The following DSE variants were observed in gnomAD, a reference collection of about 807,000 sequenced individuals.
The protein encoded by DSE is dermatan sulfate epimerase, also known as dermatan-sulfate epimerase.
A neutral mutation model predicts 84.4 loss-of-function variants in DSE; 36 were observed. The observed-to-expected ratio is 0.43, with a 90% CI of 0.33 to 0.56. DSE has a LOEUF of 0.56. DSE is among the 20% of genes least tolerant of loss of function. DSE has a pLI of 0.06. For missense variants in DSE, 862 were observed against 1,169.6 expected (o/e 0.74, Z 3.84); for synonymous variants, 410 against 430.1 (o/e 0.95, Z 0.58).
chr6:116,397,051 T>C (rs1288882096), intron 1 of DSE, among the ~76,000 whole-genome samples: 1 of 151,972 alleles, frequency 6.6e-6, no homozygotes, highest in South Asian at 2.1e-4. Context: ...TGCATGTACG[T>C]TGGGTGTGTG....
chr6:116,361,217 G>A (rs1423565567), intron 2 of DSE, among the ~76,000 whole-genome samples: 2 of 151,842 alleles, frequency 1.3e-5, no homozygotes, highest in African/African-American at 4.8e-5. Context: ...ACGCCACCAC[G>A]CCTGGGTAAC....
At chr6:116,346,334 C>T (rs1257515433) in intron 2 of DSE, among the ~76,000 whole-genome samples, 1 of 152,094 alleles carries the variant, frequency 6.6e-6, no homozygotes, top group Non-Finnish European at 1.5e-5. Flanking sequence ...AATTTTAGAC[C>T]AATATCCCTG....
At chr6:116,433,618 T>C (rs902859403) in intron 5 of DSE, 68 bp downstream of exon 5, 1 of 1,459,382 alleles carries the variant, frequency 6.9e-7, no homozygotes. Context: ...TATGCACTTG[T>C]TTTTTTGCAT....
At chr6:116,425,322 G>A (rs1169481789) in intron 2 of DSE, among the ~76,000 whole-genome samples, 5 of 152,128 alleles carry the variant, frequency 3.3e-5, no homozygotes, top group African/African-American at 1.2e-4. Flanking sequence ...GAGGTTCATG[G>A]CATAGAAATG....
intron 2 of DSE, among the ~76,000 whole-genome samples, chr6:116,284,485 G>C (rs573512542): frequency 6.6e-6 from 1 of 152,188 alleles, no homozygotes; most frequent in South Asian, 2.1e-4. Context: ...TGTACTCTCT[G>C]AACAAGTGTG....
At chr6:116,342,719 T>C (rs1367534163) in intron 2 of DSE, among the ~76,000 whole-genome samples, 5 of 152,186 alleles carry the variant, frequency 3.3e-5, no homozygotes, top group Non-Finnish European at 5.9e-5. Context: ...TAGGAATAGC[T>C]CCAGTCTACA....
chr6:116,402,963 T>G (rs927897385), intron 2 of DSE, among the ~76,000 whole-genome samples: 2 of 152,200 alleles, frequency 1.3e-5, no homozygotes, highest in African/African-American at 4.8e-5. Flanking sequence ...TAGATTCACT[T>G]AAGAATTCTG....
intron 2 of DSE, among the ~76,000 whole-genome samples, chr6:116,421,078 T>C (rs934265716): frequency 6.6e-6 from 1 of 152,200 alleles, no homozygotes. Flanking sequence ...ACTTAATTCA[T>C]AGACACAGCA....
intron 1 of DSE, among the ~76,000 whole-genome samples, chr6:116,379,688 C>T (rs1780111911): frequency 6.6e-6 from 1 of 152,136 alleles, no homozygotes; most frequent in South Asian, 2.1e-4. Context: ...TGCTTTGTTA[C>T]AGTCCCAAGA....
chr6:116,287,380 G>T (rs896089950), intron 2 of DSE, among the ~76,000 whole-genome samples: 1 of 151,656 alleles, frequency 6.6e-6, no homozygotes, highest in Non-Finnish European at 1.5e-5. Context: ...TTTTATTTCT[G>T]TCTAAAGCCT....
At chr6:116,320,561 A>T (rs960613816) in intron 2 of DSE, among the ~76,000 whole-genome samples, 2 of 152,164 alleles carry the variant, frequency 1.3e-5, no homozygotes, top group South Asian at 4.1e-4. Context: ...TTGCGCTGCC[A>T]TAACAAAATA....
At chr6:116,321,743 C>T (rs1189653176) in intron 2 of DSE, among the ~76,000 whole-genome samples, 1 of 152,150 alleles carries the variant, frequency 6.6e-6, no homozygotes, top group Non-Finnish European at 1.5e-5. Context: ...CACCGCACTC[C>T]AGCCCGGGTG....
chr6:116,431,931 G>A (rs1040094056), intron 4 of DSE, among the ~76,000 whole-genome samples: 3 of 152,082 alleles, frequency 2.0e-5, no homozygotes, highest in Non-Finnish European at 2.9e-5. Context: ...CCAAGGAAAT[G>A]CAATTTTTAG....
At chr6:116,372,957 C>A (rs9387400) in intron 1 of DSE, among the ~76,000 whole-genome samples, 62,594 of 151,796 alleles carry the variant, frequency 0.41, 14,118 homozygotes, top group East Asian at 0.92. Context: ...CGTCAGTATC[C>A]GTTTTTATGA....
chr6:116,336,026 C>G (rs149009885), intron 2 of DSE, among the ~76,000 whole-genome samples: 4 of 152,320 alleles, frequency 2.6e-5, no homozygotes, highest in East Asian at 3.9e-4. Context: ...TAAACTGTAA[C>G]AGCACTTAGT....
intron 2 of DSE, among the ~76,000 whole-genome samples, chr6:116,294,620 T>C (rs1774539451): frequency 6.6e-6 from 1 of 152,082 alleles, no homozygotes; most frequent in Non-Finnish European, 1.5e-5. Context: ...TGAAGGTAGA[T>C]AGGGGAAGTA....
At position 116,426,905 on chromosome 6, in the gene DSE, T is replaced by A; in HGVS notation, c.670+78T>A. The A allele has an allele frequency of 3.3e-6, 5 of 1,519,652 alleles. No individual in the cohort carries two copies. The South Asian group carries it at 6.4e-5, about 19-fold the overall frequency. 94.1% of individuals were successfully genotyped at this position (1,519,652 alleles called of 1,614,324 possible). ...CCATGTTGTGAGCAAAGCATTTTTATAACCATTCTTAGTACATGTTCATAC... is the reference window on the plus strand; with the variant it reads ...CCATGTTGTGAGCAAAGCATTTTTAAAACCATTCTTAGTACATGTTCATAC... On this transcript the variant is annotated intron_variant, in intron 3 of 5. Coordinates refer to ENST00000644252, the MANE Select transcript of DSE (RefSeq NM_013352.4).
chr6:116,264,149 T>A (rs2114602739), intron 2 of DSE, among the ~76,000 whole-genome samples: 1 of 152,338 alleles, frequency 6.6e-6, no homozygotes, highest in East Asian at 1.9e-4. Context: ...TCTCACTAGG[T>A]TGTGGAAGTT....
chr6:116,318,437 A>C (rs941872512), intron 2 of DSE, among the ~76,000 whole-genome samples: 9 of 152,194 alleles, frequency 5.9e-5, no homozygotes, highest in African/African-American at 2.2e-4. Context: ...ACCCGGGCCA[A>C]GCTTGCAGTG....
Sources: gnomAD v4.1 joint callset for allele counts (sites outside exome capture counted in the v4.1 genomes callset) on GRCh38, gnomAD v4.1.1 for gene constraint, MANE v1.5 for transcripts, NCBI Gene and HGNC (gene_info 2026-07-23, HGNC 2026-07-21) for gene names.